BEND4: variants seen among roughly 807,000 people sequenced by gnomAD.
BEND4 encodes the protein BEN domain-containing protein 4.
A neutral mutation model predicts 54.7 loss-of-function variants in BEND4; 27 were observed. The ratio of observed to expected loss-of-function variants is 0.49; its 90% CI spans 0.36 to 0.68. The LOEUF is 0.68. Among genes scored for constraint, BEND4 ranks in the 30% least tolerant of loss-of-function variants. The probability of loss-of-function intolerance (pLI) is 0.00; values close to 1 mark genes in which losing one functional copy is unlikely to be tolerated. For synonymous variants in BEND4, 327 were observed against 299.5 expected, an observed-to-expected ratio of 1.09 and a Z score of -0.95; for missense variants, 702 against 697.2, an observed-to-expected ratio of 1.01 and a Z score of -0.08.
At chr4:42,145,670 G>A (rs533817620) in intron 2 of BEND4, among the ~76,000 whole-genome samples, 6 of 143,836 alleles carry the variant, frequency 4.2e-5, no homozygotes, top group African/African-American at 1.3e-4. Flanking sequence ...CCAACCTGGC[G>A]ACAGTGAAGA....
chr4:42,152,372 A>C lies in BEND4; in HGVS notation c.-229T>G. The stretch of plus-strand genomic sequence containing the variant: ...CTCCTGATTGACAGGCTGCCTCGCC[A>C]ATGCCTGGAGGGAGAAAGGAGGTAA... On this transcript the variant is annotated 5_prime_UTR_variant, in exon 2 of 6. It adds an upstream start codon to the 5' untranslated region. Transcript: ENST00000502486. 3.2e-6 allele frequency: 1 copy of C among 313,318 alleles called. No individual in the cohort carries two copies. Among genetic ancestry groups the C allele is most frequent in the Non-Finnish European group, 5.8e-6 (1 of 171,712 alleles). 19.4% of individuals were successfully genotyped at this position (313,318 alleles called of 1,614,324 possible).
chr4:42,144,141 T>C lies in BEND4; in HGVS notation c.488-147A>G, dbSNP rs1720995654. The C allele has an allele frequency of 8.2e-5, 58 of 706,356 alleles. 1 individual carries two copies. In the South Asian group the frequency reaches 8.8e-4, roughly 11 times the overall value. The allele number at this position is 706,356 out of a possible 1,614,324, so 43.8% of individuals were successfully genotyped here. ...AACCAAGATGACACAATAAATCCACTGTGAATAGAACGCATAGCTTCCTGT... is the reference window on the plus strand; with the variant it reads ...AACCAAGATGACACAATAAATCCACCGTGAATAGAACGCATAGCTTCCTGT... On this transcript the variant is annotated intron_variant, in intron 2 of 5. Coordinates refer to ENST00000502486, the MANE Select transcript of BEND4 (RefSeq NM_207406.4).
At chr4:42,151,351 G>T in intron 2 of BEND4, 1 of 239,646 alleles carries the variant, frequency 4.2e-6, no homozygotes, top group Middle Eastern at 1.3e-3. Flanking sequence ...CCCCGGGGGG[G>T]CGTCTGGCCC....
intron 3 of BEND4, among the ~76,000 whole-genome samples, chr4:42,136,539 G>A (rs1577760062): frequency 6.6e-6 from 1 of 152,202 alleles, no homozygotes; most frequent in African/African-American, 2.4e-5. Context: ...ACAGACATAT[G>A]CAGAGCACTG....
At chr4:42,144,082 A>T (rs1302078493) in intron 2 of BEND4, 88 bp from the exon 3 acceptor site, 1 of 915,868 alleles carries the variant, frequency 1.1e-6, no homozygotes, top group Non-Finnish European at 1.7e-6. Flanking sequence ...ACATTCAAAC[A>T]TGTTAAAAAT....
chr4:42,138,950 A>G (rs1720791328), intron 3 of BEND4, among the ~76,000 whole-genome samples: 1 of 152,170 alleles, frequency 6.6e-6, no homozygotes, highest in African/African-American at 2.4e-5. Context: ...TGTAGCTTAC[A>G]TCCACTGGCG....
At chr4:42,133,626 G>A (rs1017848948) in intron 3 of BEND4, among the ~76,000 whole-genome samples, 4 of 152,164 alleles carry the variant, frequency 2.6e-5, no homozygotes, top group Admixed American at 6.5e-5. Flanking sequence ...ATGCTGAGGC[G>A]GGTAGATCAC....
In BEND4 at chr4:42,152,037, G is replaced by T. The variant is rs1721318651; in HGVS notation, c.107C>A (p.Ala36Glu). The change falls in exon 2 of 6, where the codon GCG (alanine) becomes GAG (glutamate). Residue 36 changes from alanine to glutamate, a missense_variant. Coordinates refer to ENST00000502486, the MANE Select transcript of BEND4 (RefSeq NM_207406.4). Reference sequence around the variant, plus strand: ...GGGTCGCTCGTAGCGCTTGGCCAGCGCCGGTCTCTTGCTGGGGAACGTCTT... The same window carrying T: ...GGGTCGCTCGTAGCGCTTGGCCAGCTCCGGTCTCTTGCTGGGGAACGTCTT... ...VLKTFPSKRP[A>E]LAKRYERPTL... 8.0e-7 allele frequency: 1 copy of T among 1,251,872 alleles called. No individual in the cohort carries two copies. The highest frequency in any genetic ancestry group is 1.0e-6 in the Non-Finnish European group (1 of 991,282). The allele number at this position is 1,251,872 out of a possible 1,614,324, so 77.5% of individuals were successfully genotyped here.
At chr4:42,132,779 T>A (rs1170237686) in intron 3 of BEND4, among the ~76,000 whole-genome samples, 1 of 152,064 alleles carries the variant, frequency 6.6e-6, no homozygotes, top group South Asian at 2.1e-4. Flanking sequence ...ACTCTCACGG[T>A]GAAACTACTA....
chr4:42,147,984 A>C (rs1297641575), intron 2 of BEND4, among the ~76,000 whole-genome samples: 1 of 152,160 alleles, frequency 6.6e-6, no homozygotes, highest in African/African-American at 2.4e-5. Context: ...ATTAGTGGTA[A>C]CCTTTTGATT....
intron 3 of BEND4, among the ~76,000 whole-genome samples, chr4:42,135,185 C>T (rs565689628): frequency 4.5e-4 from 69 of 152,068 alleles, no homozygotes; most frequent in African/African-American, 1.5e-3. Context: ...AGCAGAGGTC[C>T]CACTGATGGG....
At chr4:42,130,479 C>CAA (rs55989085) in intron 3 of BEND4, among the ~76,000 whole-genome samples, 1,512 of 64,438 alleles carry the variant, frequency 0.023, 74 homozygotes, top group African/African-American at 0.072. Flanking sequence ...GAGTCCGTCT[C>CAA]AAAAAAAAAA....
Position 42,111,927 on chromosome 4 carries a change from A to T in BEND4, c.*5591T>A, listed in dbSNP as rs1375702254. On this transcript the variant is annotated 3_prime_UTR_variant, in exon 6 of 6. Coordinates refer to ENST00000502486, the MANE Select transcript of BEND4 (RefSeq NM_207406.4). ...TTTTAATTTACCTACTTTTAAAAAA[A>T]GTTTTCTGGTCTTCATCATAGGATC... The T allele has an allele frequency of 1.3e-5, 2 of 152,216 alleles. No individual in the cohort carries two copies. Among genetic ancestry groups the T allele is most frequent in the Admixed American group, 1.3e-4 (2 of 15,284 alleles). The allele number at this position is 152,216 out of a possible 1,614,324, so 9.4% of individuals were successfully genotyped here.
Position 42,113,194 on chromosome 4 carries a change from T to C in BEND4, c.*4324A>G, listed in dbSNP as rs2153143714. On this transcript the variant is annotated 3_prime_UTR_variant, in exon 6 of 6. Transcript: ENST00000502486. ...TTTCTATTACATTTCTAAAAATCTG[T>C]ATATATGAGCTGTCAAAAATTAACG... 6.6e-6 allele frequency: 1 copy of C among 152,336 alleles called. No individual in the cohort carries two copies. The highest frequency in any genetic ancestry group is 1.9e-4 in the East Asian group (1 of 5,184). The allele number at this position is 152,336 out of a possible 1,614,324, so 9.4% of individuals were successfully genotyped here. A position where few individuals can be genotyped will look rare whatever the true frequency, so the allele number is the denominator to read the frequency against.
intron 2 of BEND4, 179 bp from the exon 3 acceptor site, chr4:42,144,173 G>A: frequency 1.6e-6 from 1 of 640,500 alleles, no homozygotes; most frequent in Non-Finnish European, 2.8e-6. Flanking sequence ...CTGTTGTTCT[G>A]CGACTGCGGG....
At position 42,117,721 on chromosome 4, in the gene BEND4, G is replaced by A; in HGVS notation, c.1402C>T (p.His468Tyr). The stretch of plus-strand genomic sequence containing the variant: ...CACCAATCGGGGTTGGAGGTACAAT[G>A]CATCCTAATGAATTCTGCAGGAATA... ...VTCLREFIRM[H>Y]CTSNPDWWMP... The change falls in exon 6 of 6, where the codon CAT (histidine) becomes TAT (tyrosine). Residue 468 changes from histidine (H) to tyrosine (Y), a missense_variant. His to Tyr is a moderately conservative substitution (Grantham distance 83, BLOSUM62 2). Coordinates refer to ENST00000502486, the MANE Select transcript of BEND4 (RefSeq NM_207406.4). The A allele has an allele frequency of 6.2e-7, 1 of 1,601,364 alleles. No individual in the cohort carries two copies. Among genetic ancestry groups the A allele is most frequent in the Non-Finnish European group, 8.5e-7 (1 of 1,173,178 alleles).
At position 42,122,254 on chromosome 4, in the gene BEND4, AG is replaced by A. The variant is rs369672089; in HGVS notation, c.1147-1961del. 4.9e-4 allele frequency among the ~76,000 whole-genome samples: 75 copies of A among 152,320 alleles called. 1 individual carries two copies. The highest frequency in any genetic ancestry group is 1.7e-3 in the African/African-American group (71 of 41,558). On this transcript the variant is annotated intron_variant, in intron 4 of 5. Transcript: ENST00000502486. ...CTGGGCTCTGGGTTCAGCCTTGGGCAGGTGACTTTTCTAAACTTTGCTCCTT... is the reference window on the plus strand; with the variant it reads ...CTGGGCTCTGGGTTCAGCCTTGGGCAGTGACTTTTCTAAACTTTGCTCCTT...
intron 2 of BEND4, among the ~76,000 whole-genome samples, chr4:42,145,925 A>G (rs578200479): frequency 1.3e-5 from 2 of 152,308 alleles, no homozygotes; most frequent in East Asian, 3.9e-4. Context: ...CTGTACATAC[A>G]TAAGAGCATC....
chr4:42,127,891 T>C (rs1483656076), intron 3 of BEND4, among the ~76,000 whole-genome samples: 1 of 152,158 alleles, frequency 6.6e-6, no homozygotes, highest in Non-Finnish European at 1.5e-5. Context: ...TTGCCAGGCA[T>C]GGTGGCTCAT....
Sources: allele counts gnomAD v4.1 joint callset (sites outside exome capture counted in the v4.1 genomes callset), GRCh38; gene constraint gnomAD v4.1.1; transcripts MANE v1.5; gene names NCBI Gene and HGNC (gene_info 2026-07-23, HGNC 2026-07-21).